The following KIAA0586 variants were observed in gnomAD, a reference collection of about 807,000 sequenced individuals.
KIAA0586 encodes protein TALPID3.
A neutral mutation model predicts 169.8 loss-of-function variants in KIAA0586; 144 were observed. The ratio of observed to expected loss-of-function variants is 0.85; its 90% confidence interval spans 0.74 to 0.97. The LOEUF (loss-of-function observed/expected upper bound fraction) is 0.97, where lower values mean the gene tolerates loss of function less well. Among genes scored for constraint, KIAA0586 ranks in the 50% least tolerant of loss-of-function variants. The probability of loss-of-function intolerance (pLI) is 0.00; values close to 1 mark genes in which losing one functional copy is unlikely to be tolerated. For synonymous variants in KIAA0586, 625 were observed against 612.4 expected, an observed-to-expected ratio of 1.02 and a Z score of -0.30; for missense variants, 1,854 against 1,823.0, an observed-to-expected ratio of 1.02 and a Z score of -0.31.
chr14:58,495,529 C>T (rs189914075), intron 26 of KIAA0586, among the ~76,000 whole-genome samples: 46 of 152,112 alleles, frequency 3.0e-4, no homozygotes, highest in African/African-American at 1.1e-3. Flanking sequence ...AACTTCTGAC[C>T]GCAAGTGATC....
chr14:58,465,844 TA>T lies in KIAA0586; in HGVS notation c.2072del (p.Lys691SerfsTer3). 6.3e-7 allele frequency: 1 copy of T among 1,598,030 alleles called. No homozygotes were observed. Among genetic ancestry groups the T allele is most frequent in the Non-Finnish European group, 8.5e-7 (1 of 1,170,346 alleles). On this transcript the variant is annotated frameshift_variant, in exon 15 of 31. Coordinates refer to ENST00000652326, the MANE Select transcript of KIAA0586 (RefSeq NM_001329943.3). LOFTEE classifies it high-confidence loss of function. ...TTGGTGATTATTATAGGCACTAAGG[TA>T]AAGTCAATAAGAACACAGACTGACT... ...KVIERVKGTKVKSIRTQTDFY... is the reference protein window; with the variant it reads ...KVIERVKGTKXKSIRTQTDFY...
chr14:58,469,694 C>T (rs1354154484), intron 16 of KIAA0586, among the ~76,000 whole-genome samples: 10 of 152,114 alleles, frequency 6.6e-5, no homozygotes, highest in Admixed American at 6.5e-4. Flanking sequence ...ATAAAGATCT[C>T]TATAAATTAA....
intron 29 of KIAA0586, chr14:58,537,121 A>C: frequency 2.5e-6 from 3 of 1,195,490 alleles, no homozygotes; most frequent in Non-Finnish European, 3.2e-6. Flanking sequence ...ACTGCAGAGC[A>C]CAATACTCAC....
chr14:58,477,868 C>T (rs905848926), intron 20 of KIAA0586, among the ~76,000 whole-genome samples: 1 of 151,158 alleles, frequency 6.6e-6, no homozygotes, highest in Non-Finnish European at 1.5e-5. Context: ...CCCTTTCGCT[C>T]TTCTCCCCAT....
chr14:58,465,699 ATTAC>A (rs1595219576), intron 14 of KIAA0586, 132 bp from the exon 15 acceptor site: 1 of 560,834 alleles, frequency 1.8e-6, no homozygotes, highest in Non-Finnish European at 3.1e-6. Context: ...TGGTCTATAT[ATTAC>A]TTCTGTTTTG....
intron 18 of KIAA0586, among the ~76,000 whole-genome samples, chr14:58,473,439 C>T (rs1213279576): frequency 6.6e-6 from 1 of 151,926 alleles, no homozygotes; most frequent in Non-Finnish European, 1.5e-5. Context: ...TTTAACAATT[C>T]CAGAAATAAC....
intron 29 of KIAA0586, among the ~76,000 whole-genome samples, chr14:58,533,356 CAA>C (rs914155560): frequency 6.6e-6 from 1 of 152,088 alleles, no homozygotes; most frequent in African/African-American, 2.4e-5. Context: ...TTATCTTTGG[CAA>C]AAAGACCTGT....
At chr14:58,556,259 G>C (rs1431846732), downstream of KIAA0586, among the ~76,000 whole-genome samples, 2 of 152,206 alleles carry the variant, frequency 1.3e-5, no homozygotes, top group Admixed American at 1.3e-4. Flanking sequence ...ATTAGCCCAT[G>C]GAGCAGCTTT....
At chr14:58,441,261 G>T in intron 4 of KIAA0586, 3 of 444,064 alleles carry the variant, frequency 6.8e-6, no homozygotes, top group South Asian at 3.2e-5. Flanking sequence ...TCACAGTGGG[G>T]TGATCACAAC....
intron 30 of KIAA0586, among the ~76,000 whole-genome samples, chr14:58,542,350 G>T (rs1259808044): frequency 6.6e-6 from 1 of 151,954 alleles, no homozygotes; most frequent in African/African-American, 2.4e-5. Flanking sequence ...GGTGGCACAC[G>T]CCAGTAATCC....
At chr14:58,559,987 C>T in the KIAA0586 span, among the ~76,000 whole-genome samples, 9 of 152,048 alleles carry the variant, frequency 5.9e-5, no homozygotes, top group Non-Finnish European at 1.3e-4. Flanking sequence ...CCCGTCTCTA[C>T]TAAAAATACA....
chr14:58,521,794 G>A, intron 29 of KIAA0586: 1 of 811,760 alleles, frequency 1.2e-6, no homozygotes. Flanking sequence ...CAGAGCAGTA[G>A]TTCCATGAAG....
At chr14:58,557,711 T>C in the KIAA0586 span, among the ~76,000 whole-genome samples, 1 of 152,076 alleles carries the variant, frequency 6.6e-6, no homozygotes, top group African/African-American at 2.4e-5. Context: ...GTGAAGCTTC[T>C]CTCAGCCAAA....
At chr14:58,534,017 G>A (rs2046140805) in intron 29 of KIAA0586, among the ~76,000 whole-genome samples, 1 of 151,964 alleles carries the variant, frequency 6.6e-6, no homozygotes, top group Admixed American at 6.6e-5. Flanking sequence ...TTTAATTTTT[G>A]TTTCCATATT....
At chr14:58,495,950 C>T (rs567824339) in intron 26 of KIAA0586, among the ~76,000 whole-genome samples, 7 of 152,062 alleles carry the variant, frequency 4.6e-5, no homozygotes, top group Non-Finnish European at 1.0e-4. Context: ...ATCCCTTTCC[C>T]ATGTCACACA....
chr14:58,433,547 C>T (rs895403211), intron 4 of KIAA0586, among the ~76,000 whole-genome samples: 1 of 152,292 alleles, frequency 6.6e-6, no homozygotes, highest in South Asian at 2.1e-4. Flanking sequence ...ATATTATATA[C>T]TTCCTGTGTA....
chr14:58,463,870 AACACCC>A (rs1322143799), intron 14 of KIAA0586: 1 of 290,608 alleles, frequency 3.4e-6, no homozygotes, highest in African/African-American at 2.3e-5. Context: ...GATACATAGA[AACACCC>A]ACATGTGAAG....
chr14:58,487,530 C>T (rs780825136), intron 22 of KIAA0586, among the ~76,000 whole-genome samples: 4 of 151,692 alleles, frequency 2.6e-5, no homozygotes, highest in East Asian at 1.9e-4. Context: ...TGCTTGAACC[C>T]GGGAGGCAGA....
intron 29 of KIAA0586, among the ~76,000 whole-genome samples, chr14:58,517,423 A>C (rs2141545599): frequency 6.6e-6 from 1 of 152,284 alleles, no homozygotes; most frequent in African/African-American, 2.4e-5. Context: ...AAAATTAAAT[A>C]CCACTGAATA....
Sources: allele counts gnomAD v4.1 joint callset (sites outside exome capture counted in the v4.1 genomes callset), GRCh38; gene constraint gnomAD v4.1.1; transcripts MANE v1.5; gene names NCBI Gene and HGNC (gene_info 2026-07-23, HGNC 2026-07-21).